Variants in LTBP1 observed in about 807,000 individuals in gnomAD.
LTBP1 encodes the protein latent-transforming growth factor beta-binding protein 1.
Under a neutral mutation model 207.6 loss-of-function variants are expected in LTBP1, and 129 were observed. The observed-to-expected ratio is 0.62, with a 90% CI of 0.54 to 0.72. LTBP1 has a LOEUF of 0.72. Ranked by LOEUF, LTBP1 falls within the 30% of genes least tolerant of loss-of-function variation. The probability of loss-of-function intolerance (pLI) is 0.00; values close to 1 mark genes in which losing one functional copy is unlikely to be tolerated. For synonymous variants in LTBP1, 963 were observed against 833.7 expected (o/e 1.16, Z -2.67); for missense variants, 2,281 against 2,217.2 (o/e 1.03, Z -0.58).
intron 3 of LTBP1, among the ~76,000 whole-genome samples, chr2:33,079,627 A>G (rs2078282194): frequency 6.6e-6 from 1 of 151,948 alleles, no homozygotes; most frequent in African/African-American, 2.4e-5. Context: ...TGAAGGACCC[A>G]TTTTTCTAAA....
chr2:33,148,119 A>G lies in LTBP1; in HGVS notation c.1201+13159A>G, dbSNP rs376599243. Reference sequence around the variant, plus strand: ...TCTGCAAGGATGATACTCTTGGTTTACTAGTAATAGGACAGATATTTCGTT... The same window carrying G: ...TCTGCAAGGATGATACTCTTGGTTTGCTAGTAATAGGACAGATATTTCGTT... On this transcript the variant is annotated intron_variant, in intron 5 of 33. Coordinates refer to ENST00000404816, the MANE Select transcript of LTBP1 (RefSeq NM_206943.4). Among the ~76,000 whole-genome samples, 110 of 152,322 alleles carry G rather than the reference A, an allele frequency of 7.2e-4. 3 individuals carry two copies. In the South Asian group the frequency reaches 0.023, roughly 31 times the overall value.
At chr2:33,244,646 T>A (rs1042872303) in intron 10 of LTBP1, among the ~76,000 whole-genome samples, 8 of 152,220 alleles carry the variant, frequency 5.3e-5, no homozygotes, top group Middle Eastern at 3.4e-3. Context: ...CACTGTAAGA[T>A]TTTTTTTAAA....
intron 3 of LTBP1, among the ~76,000 whole-genome samples, chr2:33,057,031 T>C (rs1371739013): frequency 6.6e-6 from 1 of 152,090 alleles, no homozygotes; most frequent in African/African-American, 2.4e-5. Flanking sequence ...CTAGATTAGC[T>C]AGATACAGAG....
At chr2:32,949,521 A>C (rs1572773047) in intron 2 of LTBP1, among the ~76,000 whole-genome samples, 1 of 152,236 alleles carries the variant, frequency 6.6e-6, no homozygotes, top group Non-Finnish European at 1.5e-5. Flanking sequence ...CATGCCCAGC[A>C]GTGTTTTTTA....
At chr2:33,121,442 A>G (rs796322731) in intron 4 of LTBP1, among the ~76,000 whole-genome samples, 18 of 152,238 alleles carry the variant, frequency 1.2e-4, no homozygotes, top group African/African-American at 4.3e-4. Context: ...TCCTGTGTTG[A>G]TGGTATCTGG....
At chr2:33,353,066 C>T (rs1431661110) in intron 26 of LTBP1, among the ~76,000 whole-genome samples, 1 of 149,156 alleles carries the variant, frequency 6.7e-6, no homozygotes, top group Non-Finnish European at 1.5e-5. Flanking sequence ...ACAACCTCCA[C>T]CTTCTGAGTT....
intron 2 of LTBP1, among the ~76,000 whole-genome samples, chr2:32,965,961 G>A (rs966281181): frequency 6.6e-6 from 1 of 152,172 alleles, no homozygotes; most frequent in Non-Finnish European, 1.5e-5. Context: ...ACAAATGAGA[G>A]TTCCTATTGT....
At chr2:33,349,992 G>C (rs1277662431) in intron 26 of LTBP1, among the ~76,000 whole-genome samples, 1 of 152,190 alleles carries the variant, frequency 6.6e-6, no homozygotes, top group Non-Finnish European at 1.5e-5. Flanking sequence ...CAGAGGGCAA[G>C]AAAACATCAG....
chr2:33,382,196 G>A (rs1334216265), intron 31 of LTBP1, among the ~76,000 whole-genome samples: 1 of 139,536 alleles, frequency 7.2e-6, no homozygotes, highest in Non-Finnish European at 1.5e-5. Context: ...CCGAGTTCAA[G>A]CAATTCTCCT....
At chr2:33,122,116 A>T (rs1470322240) in intron 4 of LTBP1, among the ~76,000 whole-genome samples, 1 of 149,990 alleles carries the variant, frequency 6.7e-6, no homozygotes, top group Non-Finnish European at 1.5e-5. Context: ...TGGCCATGTG[A>T]CTTGCTTTGA....
intron 2 of LTBP1, among the ~76,000 whole-genome samples, chr2:32,959,418 G>A (rs1039871930): frequency 1.3e-5 from 2 of 151,688 alleles, no homozygotes; most frequent in African/African-American, 4.8e-5. Context: ...ATAAAGTAAG[G>A]AAAATAGAAG....
chr2:33,377,108 T>C (rs567383389), intron 31 of LTBP1, among the ~76,000 whole-genome samples: 1 of 152,114 alleles, frequency 6.6e-6, no homozygotes, highest in African/African-American at 2.4e-5. Context: ...AAAATAAAAT[T>C]TTTAAAAACC....
intron 31 of LTBP1, among the ~76,000 whole-genome samples, chr2:33,386,386 G>T (rs2095265588): frequency 6.6e-6 from 1 of 152,142 alleles, no homozygotes; most frequent in Non-Finnish European, 1.5e-5. Context: ...ATGTCTAGGG[G>T]AGTGCACTGG....
intron 3 of LTBP1, among the ~76,000 whole-genome samples, chr2:33,035,024 C>T (rs369158972): frequency 6.6e-6 from 1 of 152,182 alleles, no homozygotes; most frequent in South Asian, 2.1e-4. Context: ...AGTGCAACCT[C>T]GAACCACCTT....
chr2:33,275,003 C>T lies in LTBP1; in HGVS notation c.2782C>T (p.Gln928Ter), dbSNP rs763248715. ...TACTCAGGTCCAACACCTCTGCTCC[C>T]AGGGCCGCTGTGAAAACACCGAGGG... is the stretch of plus-strand genomic sequence containing the variant. ...ECTQVQHLCS[Q>*]GRCENTEGSF... The change falls in exon 17 of 34, where the codon CAG becomes TAG. Residue 928 changes from glutamine (Q) to a stop codon, truncating the protein, a stop_gained. Coordinates refer to ENST00000404816, the MANE Select transcript of LTBP1 (RefSeq NM_206943.4). LOFTEE classifies it high-confidence loss of function. The T allele has an allele frequency of 6.2e-7, 1 of 1,614,084 alleles. No homozygotes were observed. Among genetic ancestry groups the T allele is most frequent in the Non-Finnish European group, 8.5e-7 (1 of 1,179,976 alleles).
chr2:33,378,226 G>GTGTGTGT (rs1558324150), intron 31 of LTBP1, among the ~76,000 whole-genome samples: 20 of 120,628 alleles, frequency 1.7e-4, no homozygotes, highest in African/African-American at 5.6e-4. Flanking sequence ...TGTGTGTTTT[G>GTGTGTGT]TTTGTTTGTT....
chr2:33,336,077 T>G (rs568332645), intron 24 of LTBP1, among the ~76,000 whole-genome samples: 93 of 152,264 alleles, frequency 6.1e-4, no homozygotes, highest in African/African-American at 2.1e-3. Context: ...GTAGCTCTAG[T>G]GTCTAGATTT....
chr2:33,275,002 C>T lies in LTBP1; in HGVS notation c.2781C>T (p.Ser927=), dbSNP rs773568626. 13 of 1,614,078 alleles carry T rather than the reference C, an allele frequency of 8.1e-6. No individual in the cohort carries two copies. The highest frequency in any genetic ancestry group is 2.2e-5 in the East Asian group (1 of 44,868). Residue 927 remains serine, a synonymous_variant, in exon 17 of 34, where the codon TCC becomes TCT. Coordinates refer to ENST00000404816, the MANE Select transcript of LTBP1 (RefSeq NM_206943.4). ...DECTQVQHLC[S]QGRCENTEGS... Reference sequence around the variant, plus strand: ...GTACTCAGGTCCAACACCTCTGCTCCCAGGGCCGCTGTGAAAACACCGAGG... The same window carrying T: ...GTACTCAGGTCCAACACCTCTGCTCTCAGGGCCGCTGTGAAAACACCGAGG...
At position 33,176,387 on chromosome 2, in the gene LTBP1, G is replaced by A. The variant is rs368592116; in HGVS notation, c.1202-10469G>A. Among the ~76,000 whole-genome samples, 43 of 152,008 alleles carry A rather than the reference G, an allele frequency of 2.8e-4. No homozygotes were observed. The East Asian group carries it at 7.6e-3, about 27-fold the overall frequency. ...ACTACAGGCGCCCGCCACCACGCCC[G>A]GCTAATTTTTTGTATTTTTAGTAGA... On this transcript the variant is annotated intron_variant, in intron 5 of 33. Transcript: ENST00000404816.
Sources: gnomAD v4.1 joint callset for allele counts (sites outside exome capture counted in the v4.1 genomes callset) on GRCh38, gnomAD v4.1.1 for gene constraint, MANE v1.5 for transcripts, NCBI Gene and HGNC (gene_info 2026-07-23, HGNC 2026-07-21) for gene names.